The following SLC52A2 variants were observed in gnomAD, a reference collection of about 807,000 sequenced individuals.
SLC52A2 encodes solute carrier family 52, riboflavin transporter, member 2.
A neutral mutation model predicts 24.8 loss-of-function variants in SLC52A2; 16 were observed. That is an observed-to-expected ratio of 0.64 (90% CI 0.44 to 0.98). The LOEUF is 0.98. SLC52A2 is among the 50% of genes least tolerant of loss of function. SLC52A2 has a pLI of 0.00. For missense variants in SLC52A2, 612 were observed against 575.9 expected (o/e 1.06, Z -0.64); for synonymous variants, 335 against 276.3 (o/e 1.21, Z -2.11).
upstream of SLC52A2, chr8:144,358,584 C>G (rs1407693888): frequency 9.7e-6 from 11 of 1,136,574 alleles, no homozygotes; most frequent in African/African-American, 3.2e-5. Context: ...GTGGGCCATG[C>G]CGGGGGCGGG....
rs782164243 is a variant in SLC52A2 at position 144,360,143 on chromosome 8, G to T, written c.651G>T (p.Leu217=). The change falls in exon 3 of 5, where the codon CTG becomes CTT. Residue 217 remains leucine (L), a synonymous_variant. Transcript: ENST00000643944. The part of the protein sequence containing the change: ...SAAAFQGLLL[L]LPPPPSVPTG... ...CTGCCTTCCAGGGTCTTCTGCTGCTGTTGCCGCCACCACCATCTGTACCCA... is the reference window on the plus strand; with the variant it reads ...CTGCCTTCCAGGGTCTTCTGCTGCTTTTGCCGCCACCACCATCTGTACCCA... The T allele has an allele frequency of 1.7e-5, 27 of 1,612,914 alleles. No homozygotes were observed. Among genetic ancestry groups the T allele is most frequent in the Non-Finnish European group, 2.3e-5 (27 of 1,180,020 alleles).
rs375422457 is a variant in SLC52A2 at position 144,359,274 on chromosome 8, A to C, written c.-20A>C. On this transcript the variant is annotated 5_prime_UTR_variant, in exon 2 of 5. Coordinates refer to ENST00000643944, the MANE Select transcript of SLC52A2 (RefSeq NM_001363118.2). Reference sequence around the variant, plus strand: ...GCTGTGACCTTTGCCCTGACCTGGAAGGGCCCAGCCTTGGGCTGAATGGCA... The same window carrying C: ...GCTGTGACCTTTGCCCTGACCTGGACGGGCCCAGCCTTGGGCTGAATGGCA... 1.7e-5 allele frequency: 27 copies of C among 1,601,870 alleles called. No individual in the cohort carries two copies. In the African/African-American group the frequency reaches 2.9e-4, roughly 17 times the overall value.
In SLC52A2 at chr8:144,360,593, C is replaced by T. The variant is rs782570247; in HGVS notation, c.1005C>T (p.Ser335=). ...CFLAMGVLCR[S]LAGLGGLSLL... ...ACATTCTGCTCGCTCACTGCAGGTC[C>T]TTGGCAGGGCTGGGCGGCCTCTCTC... Residue 335 remains serine, a synonymous_variant, in exon 4 of 5, where the codon TCC becomes TCT. Transcript: ENST00000643944. 1.3e-6 allele frequency: 2 copies of T among 1,599,804 alleles called. No homozygotes were observed. Among genetic ancestry groups the T allele is most frequent in the Admixed American group, 1.7e-5 (1 of 59,784 alleles).
rs1818837782 is a variant in SLC52A2 at position 144,360,843 on chromosome 8, T to G, written c.1166T>G (p.Val389Gly). 6.2e-7 allele frequency: 1 copy of G among 1,613,252 alleles called. No homozygotes were observed. The highest frequency in any genetic ancestry group is 8.5e-7 in the Non-Finnish European group (1 of 1,179,840). The change falls in exon 5 of 5, where the codon GTG (valine) becomes GGG (glycine). Residue 389 changes from valine (V) to glycine (G), a missense_variant. Coordinates refer to ENST00000643944, the MANE Select transcript of SLC52A2 (RefSeq NM_001363118.2). The part of the protein sequence containing the change: ...WVLCLGVFSY[V>G]KVAASSLLHG... ...CTGTGTCTTGGCGTGTTCTCCTACG[T>G]GAAGGTGGCAGCCAGCTCCCTGCTG...
intron 2 of SLC52A2, 41 bp from the exon 3 acceptor site, chr8:144,359,582 G>T: frequency 1.2e-6 from 2 of 1,603,878 alleles, no homozygotes; most frequent in Non-Finnish European, 8.5e-7. Context: ...TTCCTCCCTT[G>T]GGCATCATGA....
Position 144,358,915 on chromosome 8 carries a change from C to T in SLC52A2, c.-261C>T, listed in dbSNP as rs1249319004. ...GGCTCCTCCTGGTAGGCGCCCTTTC[C>T]CGGCGTCCGGCTTGGGGTGGTGGTG... On this transcript the variant is annotated 5_prime_UTR_variant, in exon 1 of 5. Coordinates refer to ENST00000643944, the MANE Select transcript of SLC52A2 (RefSeq NM_001363118.2). The T allele has an allele frequency of 1.2e-5, 3 of 243,382 alleles. No individual in the cohort carries two copies. Among genetic ancestry groups the T allele is most frequent in the Non-Finnish European group, 2.4e-5 (3 of 126,068 alleles). 15.1% of individuals were successfully genotyped at this position (243,382 alleles called of 1,614,324 possible).
rs1452298132 is a variant in SLC52A2 at position 144,359,063 on chromosome 8, T to C, written c.-113T>C. The C allele has an allele frequency of 9.1e-6, 5 of 548,716 alleles. No individual in the cohort carries two copies. The highest frequency in any genetic ancestry group is 3.8e-5 in the Admixed American group (1 of 26,360). The allele number at this position is 548,716 out of a possible 1,614,324, so 34.0% of individuals were successfully genotyped here. ...CTTCCCTGCCTGCCGGCGGTCCCGC[T>C]GGGTACGTTTTAGCCAATCCTCCCC... On this transcript the variant is annotated splice_region_variant and 5_prime_UTR_variant, in exon 1 of 5. Coordinates refer to ENST00000643944, the MANE Select transcript of SLC52A2 (RefSeq NM_001363118.2).
intron 1 of SLC52A2, 37 bp downstream of exon 1, chr8:144,359,102 C>A: frequency 1.2e-6 from 1 of 839,668 alleles, no homozygotes; most frequent in Non-Finnish European, 1.7e-6. Context: ...TGCGCTCCTG[C>A]CCGGGGCTCC....
At position 144,359,280 on chromosome 8, in the gene SLC52A2, C is replaced by T. The variant is rs369748316; in HGVS notation, c.-14C>T. The T allele has an allele frequency of 1.1e-4, 169 of 1,605,706 alleles. No individual in the cohort carries two copies. Among genetic ancestry groups the T allele is most frequent in the Non-Finnish European group, 1.4e-4 (164 of 1,175,880 alleles). ...ACCTTTGCCCTGACCTGGAAGGGCC[C>T]AGCCTTGGGCTGAATGGCAGCACCC... On this transcript the variant is annotated 5_prime_UTR_variant, in exon 2 of 5. Coordinates refer to ENST00000643944, the MANE Select transcript of SLC52A2 (RefSeq NM_001363118.2).
In SLC52A2 at chr8:144,360,871, T is replaced by C; in HGVS notation, c.1194T>C (p.His398=). 6.2e-7 allele frequency: 1 copy of C among 1,613,026 alleles called. No homozygotes were observed. Among genetic ancestry groups the C allele is most frequent in the Non-Finnish European group, 8.5e-7 (1 of 1,179,894 alleles). The change falls in exon 5 of 5, where the codon CAT becomes CAC. Residue 398 remains histidine, a synonymous_variant. Transcript: ENST00000643944. ...AGGTGGCAGCCAGCTCCCTGCTGCATGGCGGGGGCCGGCCGGCATTGCTGG... is the reference window on the plus strand; with the variant it reads ...AGGTGGCAGCCAGCTCCCTGCTGCACGGCGGGGGCCGGCCGGCATTGCTGG... ...YVKVAASSLL[H]GGGRPALLAA...
rs1189413897 is a variant in SLC52A2 at position 144,359,151 on chromosome 8, C to G, written c.-110-33C>G. 1.4e-5 allele frequency: 19 copies of G among 1,326,596 alleles called. No individual in the cohort carries two copies. The Admixed American group carries it at 1.8e-4, about 12-fold the overall frequency. The allele number at this position is 1,326,596 out of a possible 1,614,324, so 82.2% of individuals were successfully genotyped here. ...GTCTCACCCTGTTCTGACTCCGGCTCTGCATCCTATCTGTTTCTCTGTTTC... is the reference window on the plus strand; with the variant it reads ...GTCTCACCCTGTTCTGACTCCGGCTGTGCATCCTATCTGTTTCTCTGTTTC... On this transcript the variant is annotated intron_variant, in intron 1 of 4. Coordinates refer to ENST00000643944, the MANE Select transcript of SLC52A2 (RefSeq NM_001363118.2).
rs782336957 is a variant in SLC52A2, at chr8:144,359,272, G to A, written c.-22G>A. ...TGGCTGTGACCTTTGCCCTGACCTG[G>A]AAGGGCCCAGCCTTGGGCTGAATGG... On this transcript the variant is annotated 5_prime_UTR_variant, in exon 2 of 5. Transcript: ENST00000643944. The A allele has an allele frequency of 6.2e-7, 1 of 1,601,006 alleles. No homozygotes were observed.
rs782495551 is a variant in SLC52A2, at chr8:144,359,786, G to A, written c.294G>A (p.Leu98=). 1 of 1,613,678 alleles carries A rather than the reference G, an allele frequency of 6.2e-7. No homozygotes were observed. Among genetic ancestry groups the A allele is most frequent in the Non-Finnish European group, 8.5e-7 (1 of 1,180,004 alleles). Residue 98 remains leucine (L), a synonymous_variant, in exon 3 of 5, where the codon CTG becomes CTA. Transcript: ENST00000643944. ...TGGGCACAGCCCTGCTGGCCTCTCT[G>A]TGGCACCATGTGGCCCCAGTGGCAG... ...GMVGTALLAS[L]WHHVAPVAGQ...
Position 144,360,118 on chromosome 8 carries a change from C to T in SLC52A2, c.626C>T (p.Ala209Val). 1 of 1,612,988 alleles carries T rather than the reference C, an allele frequency of 6.2e-7. No homozygotes were observed. The highest frequency in any genetic ancestry group is 8.5e-7 in the Non-Finnish European group (1 of 1,180,032). The change falls in exon 3 of 5, where the codon GCT becomes GTT. Residue 209 changes from alanine to valine, a missense_variant. Physicochemically the swap from Ala to Val is moderately conservative, Grantham distance 64. Transcript: ENST00000643944. ...ALTALLVASA[A>V]AFQGLLLLLP... is the part of the protein sequence containing the mutation. ...ACTGCCCTTCTGGTCGCTTCAGCTGCTGCCTTCCAGGGTCTTCTGCTGCTG... is the reference window on the plus strand; with the variant it reads ...ACTGCCCTTCTGGTCGCTTCAGCTGTTGCCTTCCAGGGTCTTCTGCTGCTG...
In SLC52A2 at chr8:144,359,413, G is replaced by C. The variant is rs1554853778; in HGVS notation, c.120G>C (p.Glu40Asp). 1 of 1,614,006 alleles carries C rather than the reference G, an allele frequency of 6.2e-7. No individual in the cohort carries two copies. Among genetic ancestry groups the C allele is most frequent in the Non-Finnish European group, 8.5e-7 (1 of 1,179,954 alleles). The part of the protein sequence containing the change: ...IWVELPVVVK[E>D]LPEGWSLPSY... Reference sequence around the variant, plus strand: ...TGGAGCTACCTGTGGTGGTCAAAGAGCTTCCAGAGGGTGAGTGGGAGGGAG... The same window carrying C: ...TGGAGCTACCTGTGGTGGTCAAAGACCTTCCAGAGGGTGAGTGGGAGGGAG... Residue 40 changes from glutamate to aspartate, a missense_variant, in exon 2 of 5, where the codon GAG (glutamate) becomes GAC (aspartate). Coordinates refer to ENST00000643944, the MANE Select transcript of SLC52A2 (RefSeq NM_001363118.2).
In SLC52A2 at chr8:144,359,333, C is replaced by T. The variant is rs562675049; in HGVS notation, c.40C>T (p.Leu14=). The T allele has an allele frequency of 2.5e-6, 4 of 1,613,940 alleles. No homozygotes were observed. The South Asian group carries it at 4.4e-5, about 18-fold the overall frequency. ...PTPARPVLTH[L]LVALFGMGSW... ...GCCCGCCCGTCCGGTGCTGACCCACCTGCTGGTGGCTCTCTTCGGCATGGG... is the reference window on the plus strand; with the variant it reads ...GCCCGCCCGTCCGGTGCTGACCCACTTGCTGGTGGCTCTCTTCGGCATGGG... Residue 14 remains leucine, a synonymous_variant, in exon 2 of 5, where the codon CTG becomes TTG. Coordinates refer to ENST00000643944, the MANE Select transcript of SLC52A2 (RefSeq NM_001363118.2).
At chr8:144,358,587 G>C, upstream of SLC52A2, 1 of 1,125,260 alleles carries the variant, frequency 8.9e-7, no homozygotes. Context: ...GGCCATGCCG[G>C]GGGCGGGCCC....
rs1322824068 is a variant in SLC52A2, at chr8:144,361,196, GA to G, written c.*182del. ...GGCAAGGAGCAGGCTTGGAGCCAGGGACCAGTGGGGGCTGTAGGGTAAGCCC... is the reference window on the plus strand; with the variant it reads ...GGCAAGGAGCAGGCTTGGAGCCAGGGCCAGTGGGGGCTGTAGGGTAAGCCC... On this transcript the variant is annotated 3_prime_UTR_variant, in exon 5 of 5. Transcript: ENST00000643944. 6.4e-6 allele frequency: 4 copies of G among 628,966 alleles called. No individual in the cohort carries two copies. Among genetic ancestry groups the G allele is most frequent in the Non-Finnish European group, 1.1e-5 (4 of 362,800 alleles). The allele number at this position is 628,966 out of a possible 1,614,324, so 39.0% of individuals were successfully genotyped here.
chr8:144,359,157 C>T (rs1818642792), intron 1 of SLC52A2, 27 bp from the exon 2 acceptor site: 3 of 1,363,464 alleles, frequency 2.2e-6, no homozygotes, highest in African/African-American at 1.5e-5. Flanking sequence ...GGCTCTGCAT[C>T]CTATCTGTTT....
Sources: allele counts gnomAD v4.1 joint callset, GRCh38; gene constraint gnomAD v4.1.1; transcripts MANE v1.5; gene names NCBI Gene and HGNC (gene_info 2026-07-23, HGNC 2026-07-21).